The following OTOR variants were observed in gnomAD, a reference collection of about 807,000 sequenced individuals.
OTOR encodes the protein fibrocyte-derived protein.
OTOR carries 20 observed loss-of-function variants against 15.9 expected under a neutral mutation model. The observed-to-expected ratio is 1.26, with a 90% CI of 0.89 to 1.83. OTOR has a LOEUF of 1.83. Among genes scored for constraint, OTOR ranks in the 40% most tolerant of loss-of-function variants. The probability of loss-of-function intolerance (pLI) is 0.00; values close to 1 mark genes in which losing one functional copy is unlikely to be tolerated. For missense variants in OTOR, 184 were observed against 159.0 expected (o/e 1.16, Z -0.85); for synonymous variants, 53 against 54.2 (o/e 0.98, Z 0.09).
In OTOR at chr20:16,749,513, T is replaced by C. The variant is rs118112554; in HGVS notation, c.256-390T>C. On this transcript the variant is annotated intron_variant, in intron 2 of 3. Transcript: ENST00000246081. ...TAATGAAGGATTAAATTTAAAGCCATTTAAGTCTGTTCATTTGAATTGTTG... is the reference window on the plus strand; with the variant it reads ...TAATGAAGGATTAAATTTAAAGCCACTTAAGTCTGTTCATTTGAATTGTTG... The C allele has an allele frequency of 4.9e-5, 9 of 185,042 alleles. No individual in the cohort carries two copies. The East Asian group carries it at 1.2e-3, about 25-fold the overall frequency. 11.5% of individuals were successfully genotyped at this position (185,042 alleles called of 1,614,324 possible).
chr20:16,748,565 A>AG, intron 1 of OTOR, 49 bp downstream of exon 1: 2 of 1,102,814 alleles, frequency 1.8e-6, no homozygotes, highest in Non-Finnish European at 2.8e-6. Context: ...CATAATTGAA[A>AG]ATATATCCAC....
Position 16,748,906 on chromosome 20 carries a change from C to T in OTOR, c.155C>T (p.Ala52Val), listed in dbSNP as rs1417056062. 6 of 1,610,060 alleles carry T rather than the reference C, an allele frequency of 3.7e-6. No individual in the cohort carries two copies. The highest frequency in any genetic ancestry group is 2.2e-5 in the South Asian group (2 of 90,594). The stretch of plus-strand genomic sequence containing the variant: ...GCTAGTGCTCAAGAAGATTATAATG[C>T]CCCGGACTGTAGATTCATTAACGTT... ...SLASAQEDYN[A>V]PDCRFINVKK... The change falls in exon 2 of 4, where the codon GCC becomes GTC. Residue 52 changes from alanine to valine, a missense_variant. By Grantham distance (64) the Ala-to-Val change is moderately conservative. Transcript: ENST00000246081.
At chr20:16,750,322 T>A (rs1274274280) in intron 3 of OTOR, among the ~76,000 whole-genome samples, 1 of 152,240 alleles carries the variant, frequency 6.6e-6, no homozygotes, top group Non-Finnish European at 1.5e-5. Context: ...ATTTAATGCA[T>A]ACATTATGTT....
intron 3 of OTOR, among the ~76,000 whole-genome samples, chr20:16,750,837 G>A (rs2072524771): frequency 6.6e-6 from 1 of 152,120 alleles, no homozygotes; most frequent in Admixed American, 6.5e-5. Context: ...TACACAAATG[G>A]GACTCACTTG....
chr20:16,748,447 T>C lies in OTOR; in HGVS notation c.46T>C (p.Cys16Arg), dbSNP rs763202988. The change falls in exon 1 of 4, where the codon TGT becomes CGT. Residue 16 changes from cysteine (C) to arginine (R), a missense_variant. Physicochemically the swap from Cys to Arg is radical, Grantham distance 180. Coordinates refer to ENST00000246081, the MANE Select transcript of OTOR (RefSeq NM_020157.4). ...TTTCCTCCCGGGTCTTGTGGCTGTA[T>C]GTGCTGTGCATGGAATATTTATGGA... ...LLFLPGLVAVCAVHGIFMDRL... is the reference protein window; with the variant it reads ...LLFLPGLVAVRAVHGIFMDRL... 10 of 1,613,712 alleles carry C rather than the reference T, an allele frequency of 6.2e-6. No homozygotes were observed. The East Asian group carries it at 1.8e-4, about 29-fold the overall frequency.
intron 3 of OTOR, 115 bp from the exon 4 acceptor site, chr20:16,750,980 C>T (rs896445322): frequency 2.5e-6 from 2 of 801,118 alleles, no homozygotes; most frequent in African/African-American, 3.6e-5. Context: ...TCAACCTTTA[C>T]TTACTTTAAA....
In OTOR at chr20:16,751,422, T is replaced by C; in HGVS notation, c.*304T>C. ...ATCTCCTCTTACAGGGGGATGCATA[T>C]AACAGATCATGTATGTGTAGTTATT... On this transcript the variant is annotated 3_prime_UTR_variant, in exon 4 of 4. Coordinates refer to ENST00000246081, the MANE Select transcript of OTOR (RefSeq NM_020157.4). 3.0e-6 allele frequency: 1 copy of C among 338,630 alleles called. No homozygotes were observed. The highest frequency in any genetic ancestry group is 4.7e-5 in the South Asian group (1 of 21,382). The allele number at this position is 338,630 out of a possible 1,614,324, so 21.0% of individuals were successfully genotyped here.
At position 16,748,533 on chromosome 20, in the gene OTOR, G is replaced by C. The variant is rs553198173; in HGVS notation, c.115+17G>C. 8.5e-5 allele frequency: 118 copies of C among 1,386,798 alleles called. No homozygotes were observed. In the South Asian group the frequency reaches 1.4e-3, roughly 17 times the overall value. 85.9% of individuals were successfully genotyped at this position (1,386,798 alleles called of 1,614,324 possible). Reference sequence around the variant, plus strand: ...AGTGTGTCTGTAAGGACTTTTTTATGCTTTTCATTATCTTTCTATTACATA... The same window carrying C: ...AGTGTGTCTGTAAGGACTTTTTTATCCTTTTCATTATCTTTCTATTACATA... On this transcript the variant is annotated intron_variant, in intron 1 of 3. Transcript: ENST00000246081.
rs75202913 is a variant in OTOR at position 16,749,014 on chromosome 20, A to G, written c.255+8A>G. On this transcript the variant is annotated splice_region_variant and intron_variant, in intron 2 of 3. Transcript: ENST00000246081. ...GAATTTTGGGCTGGCAGTGTAAGATAATTTAAACACCTATTGACGAATATT... is the reference window on the plus strand; with the variant it reads ...GAATTTTGGGCTGGCAGTGTAAGATGATTTAAACACCTATTGACGAATATT... 1.5e-6 allele frequency: 1 copy of G among 666,434 alleles called. No individual in the cohort carries two copies. Among genetic ancestry groups the G allele is most frequent in the Non-Finnish European group, 2.1e-6 (1 of 479,578 alleles). The allele number at this position is 666,434 out of a possible 1,614,324, so 41.3% of individuals were successfully genotyped here. A position where few individuals can be genotyped will look rare whatever the true frequency, so the allele number is the denominator to read the frequency against.
chr20:16,749,267 T>C (rs1393000947), intron 2 of OTOR: 1 of 289,570 alleles, frequency 3.5e-6, no homozygotes, highest in African/African-American at 2.2e-5. Flanking sequence ...CCCAAAGAAT[T>C]TGAATCTTAT....
chr20:16,749,912 G>C lies in OTOR; in HGVS notation c.265G>C (p.Asp89His). 1.2e-6 allele frequency: 2 copies of C among 1,611,946 alleles called. No individual in the cohort carries two copies. Among genetic ancestry groups the C allele is most frequent in the Non-Finnish European group, 1.7e-6 (2 of 1,178,184 alleles). ...TCTTCTGGGCACTTAGGTTTATGGT[G>C]ATGGCCAGGACGAGATGGGAGTCGT... ...GEFWAGSVYGDGQDEMGVVGY... is the reference protein window; with the variant it reads ...GEFWAGSVYGHGQDEMGVVGY... The change falls in exon 3 of 4, where the codon GAT becomes CAT. Residue 89 changes from aspartate (D) to histidine (H), a missense_variant. By Grantham distance (81) the Asp-to-His change is moderately conservative. Transcript: ENST00000246081.
intron 3 of OTOR, among the ~76,000 whole-genome samples, chr20:16,750,380 T>C (rs1442431457): frequency 2.0e-5 from 3 of 150,874 alleles, no homozygotes. Flanking sequence ...AGTTAACACA[T>C]ACATCACCTC....
chr20:16,748,741 GA>G, intron 1 of OTOR, 125 bp from the exon 2 acceptor site: 1 of 783,814 alleles, frequency 1.3e-6, no homozygotes, highest in Non-Finnish European at 1.9e-6. Context: ...CTCTTGGATA[GA>G]CACCAGCTAT....
chr20:16,748,433 G>A lies in OTOR; in HGVS notation c.32G>A (p.Gly11Asp). The A allele has an allele frequency of 1.2e-6, 2 of 1,613,408 alleles. No homozygotes were observed. The highest frequency in any genetic ancestry group is 1.1e-5 in the South Asian group (1 of 91,068). ...AGAATATTGTTACTTTTCCTCCCGG[G>A]TCTTGTGGCTGTATGTGCTGTGCAT... Reference protein sequence around the residue: MARILLLFLPGLVAVCAVHGI... With the variant: MARILLLFLPDLVAVCAVHGI... The change falls in exon 1 of 4, where the codon GGT (glycine) becomes GAT (aspartate). Residue 11 changes from glycine to aspartate, a missense_variant. Coordinates refer to ENST00000246081, the MANE Select transcript of OTOR (RefSeq NM_020157.4).
rs896170965 is a variant in OTOR, at chr20:16,751,288, A to G, written c.*170A>G. 12 of 573,762 alleles carry G rather than the reference A, an allele frequency of 2.1e-5. No homozygotes were observed. Among genetic ancestry groups the G allele is most frequent in the African/African-American group, 1.2e-4 (6 of 51,954 alleles). 35.5% of individuals were successfully genotyped at this position (573,762 alleles called of 1,614,324 possible). A position where few individuals can be genotyped will look rare whatever the true frequency, so the allele number is the denominator to read the frequency against. On this transcript the variant is annotated 3_prime_UTR_variant, in exon 4 of 4. Coordinates refer to ENST00000246081, the MANE Select transcript of OTOR (RefSeq NM_020157.4). Reference sequence around the variant, plus strand: ...GGTGGCAGATAAAAGAGGATTTTCAACTCAAATCTTGTTTCCTGCTGGCCT... The same window carrying G: ...GGTGGCAGATAAAAGAGGATTTTCAGCTCAAATCTTGTTTCCTGCTGGCCT...
chr20:16,749,431 G>C (rs1248447527), intron 2 of OTOR: 1 of 168,706 alleles, frequency 5.9e-6, no homozygotes, highest in African/African-American at 2.4e-5. Flanking sequence ...CCTGGGGAGG[G>C]ATGAAGCAGG....
In OTOR at chr20:16,750,710, T is replaced by C. The variant is rs116263837; in HGVS notation, c.364-385T>C. ...TAAAGTTATACTCTTCCTAATGCCCTGGGGTCCTGTAAACTCAGGACAGAA... is the reference window on the plus strand; with the variant it reads ...TAAAGTTATACTCTTCCTAATGCCCCGGGGTCCTGTAAACTCAGGACAGAA... On this transcript the variant is annotated intron_variant, in intron 3 of 3. Transcript: ENST00000246081. 5.9e-3 allele frequency among the ~76,000 whole-genome samples: 895 copies of C among 152,348 alleles called. 12 individuals carry two copies. Among genetic ancestry groups the C allele is most frequent in the African/African-American group, 0.021 (865 of 41,592 alleles).
At chr20:16,748,652 C>A in intron 1 of OTOR, 136 bp downstream of exon 1, 1 of 707,686 alleles carries the variant, frequency 1.4e-6, no homozygotes. Flanking sequence ...TTCTTCTGGT[C>A]TGCATGTTTG....
chr20:16,751,160 TA>T lies in OTOR; in HGVS notation c.*45del, dbSNP rs777683060. The T allele has an allele frequency of 4.1e-5, 58 of 1,421,600 alleles. No individual in the cohort carries two copies. Among genetic ancestry groups the T allele is most frequent in the Non-Finnish European group, 5.4e-5 (56 of 1,044,190 alleles). The allele number at this position is 1,421,600 out of a possible 1,614,324, so 88.1% of individuals were successfully genotyped here. A position where few individuals can be genotyped will look rare whatever the true frequency, so the allele number is the denominator to read the frequency against. ...GCAAATAGAAAGAAAACACCAAAAATAAAGAAAAGAGCAAAAGTGGCCAAAA... is the reference window on the plus strand; with the variant it reads ...GCAAATAGAAAGAAAACACCAAAAATAAGAAAAGAGCAAAAGTGGCCAAAA... On this transcript the variant is annotated 3_prime_UTR_variant, in exon 4 of 4. Coordinates refer to ENST00000246081, the MANE Select transcript of OTOR (RefSeq NM_020157.4).
Sources: gnomAD v4.1 joint callset for allele counts (sites outside exome capture counted in the v4.1 genomes callset) on GRCh38, gnomAD v4.1.1 for gene constraint, MANE v1.5 for transcripts, NCBI Gene and HGNC (gene_info 2026-07-23, HGNC 2026-07-21) for gene names.